UQCC1: variants seen among roughly 807,000 people sequenced by gnomAD.
The protein encoded by UQCC1 is bFGF-repressed Zic-binding protein.
Under a neutral mutation model 48.0 loss-of-function variants are expected in UQCC1, and 38 were observed. That is an observed-to-expected ratio of 0.79 (90% CI 0.61 to 1.04). The LOEUF (loss-of-function observed/expected upper bound fraction) is 1.04, where lower values mean the gene tolerates loss of function less well. Among genes scored for constraint, UQCC1 ranks in the 50% least tolerant of loss-of-function variants. The probability of loss-of-function intolerance (pLI) is 0.00; values close to 1 mark genes in which losing one functional copy is unlikely to be tolerated. For missense variants in UQCC1, 368 were observed against 381.8 expected (o/e 0.96, Z 0.30); for synonymous variants, 111 against 129.2 (o/e 0.86, Z 0.95).
intron 7 of UQCC1, 111 bp downstream of exon 7, chr20:35,347,053 G>A (rs758278866): frequency 6.8e-6 from 11 of 1,610,360 alleles, no homozygotes; most frequent in South Asian, 1.1e-5. Flanking sequence ...TTGATATTAG[G>A]CAGCATTTCA....
intron 3 of UQCC1, among the ~76,000 whole-genome samples, chr20:35,383,637 G>C (rs1029511903): frequency 1.3e-5 from 2 of 152,032 alleles, no homozygotes; most frequent in Non-Finnish European, 2.9e-5. Flanking sequence ...ATCGCTTGAA[G>C]CCAGGAGTTT....
chr20:35,340,971 G>A (rs2061370443), intron 7 of UQCC1, among the ~76,000 whole-genome samples: 3 of 152,134 alleles, frequency 2.0e-5, no homozygotes, highest in Admixed American at 2.0e-4. Context: ...GCTCATGCCT[G>A]TAATCCCAGC....
intron 7 of UQCC1, among the ~76,000 whole-genome samples, chr20:35,339,732 A>G (rs1013551178): frequency 5.3e-5 from 8 of 152,220 alleles, no homozygotes; most frequent in African/African-American, 1.4e-4. Flanking sequence ...AAAAACTCAT[A>G]TAAGTTGTTT....
In UQCC1 at chr20:35,369,922, AGGG is replaced by A. The variant is rs1290893668; in HGVS notation, c.407-3311_407-3309del. Among the ~76,000 whole-genome samples the A allele has an allele frequency of 5.9e-5, 9 of 152,286 alleles. No individual in the cohort carries two copies. The East Asian group carries it at 1.7e-3, about 29-fold the overall frequency. ...CCTCTCCAAGGCCTCCAGTCTCTTAAGGGTTAAAGACAAAGCAGTCTGCAGACA... is the reference window on the plus strand; with the variant it reads ...CCTCTCCAAGGCCTCCAGTCTCTTAATTAAAGACAAAGCAGTCTGCAGACA... On this transcript the variant is annotated intron_variant, in intron 5 of 9. Transcript: ENST00000374385.
chr20:35,360,794 G>A (rs566375505), intron 6 of UQCC1, among the ~76,000 whole-genome samples: 2 of 152,228 alleles, frequency 1.3e-5, no homozygotes, highest in Non-Finnish European at 2.9e-5. Context: ...CAAGAAACAC[G>A]GGGCCCATCA....
At chr20:35,310,693 A>ATT (rs369142415) in intron 8 of UQCC1, among the ~76,000 whole-genome samples, 8,288 of 100,696 alleles carry the variant, frequency 0.082, 650 homozygotes, top group African/African-American at 0.17. Context: ...AAAGCTGCAG[A>ATT]TTTTTTTTTT....
intron 1 of UQCC1, among the ~76,000 whole-genome samples, chr20:35,397,508 T>TCC (rs1187927945): frequency 2.2e-5 from 3 of 135,858 alleles, no homozygotes; most frequent in African/African-American, 5.6e-5. Flanking sequence ...AGAGCGAGAC[T>TCC]GTCTCAAAAA....
At chr20:35,410,919 C>T (rs2062352899) in intron 1 of UQCC1, among the ~76,000 whole-genome samples, 1 of 151,784 alleles carries the variant, frequency 6.6e-6, no homozygotes. Context: ...TAAATATTTA[C>T]TGAACAGCAG....
intron 1 of UQCC1, among the ~76,000 whole-genome samples, chr20:35,396,016 G>A (rs549234060): frequency 5.4e-4 from 62 of 115,630 alleles, no homozygotes; most frequent in Non-Finnish European, 6.9e-4. Flanking sequence ...GCTGAGTCTC[G>A]CTCTGTCACC....
At chr20:35,385,236 A>G (rs983647087) in intron 2 of UQCC1, among the ~76,000 whole-genome samples, 3 of 152,246 alleles carry the variant, frequency 2.0e-5, no homozygotes, top group Admixed American at 6.5e-5. Context: ...TGCCTTTCAC[A>G]AAATAGGCAC....
At chr20:35,410,743 C>A in intron 1 of UQCC1, among the ~76,000 whole-genome samples, 14 of 23,326 alleles carry the variant, frequency 6.0e-4, no homozygotes, top group Admixed American at 8.4e-4. Context: ...TAAAGGGTGG[C>A]AGGGGAAGGA....
intron 2 of UQCC1, chr20:35,392,121 G>A: frequency 1.4e-6 from 1 of 719,866 alleles, no homozygotes; most frequent in Non-Finnish European, 2.1e-6. Context: ...AATATTTCCA[G>A]TAAGAGTAAA....
rs114851935 is a variant in UQCC1 at position 35,400,260 on chromosome 20, A to T, written c.25-6064T>A. Among the ~76,000 whole-genome samples, 1,035 of 151,512 alleles carry T rather than the reference A, an allele frequency of 6.8e-3. 15 individuals carry two copies. The highest frequency in any genetic ancestry group is 0.024 in the African/African-American group (989 of 41,316). On this transcript the variant is annotated intron_variant, in intron 1 of 9. Transcript: ENST00000374385. ...CTTTTTCCTTTCCACCTCTTCCACCACTTCATCTATAAATATAAATCTGTG... is the reference window on the plus strand; with the variant it reads ...CTTTTTCCTTTCCACCTCTTCCACCTCTTCATCTATAAATATAAATCTGTG...
intron 4 of UQCC1, among the ~76,000 whole-genome samples, chr20:35,378,870 G>A (rs1300456981): frequency 1.3e-5 from 2 of 152,102 alleles, no homozygotes; most frequent in East Asian, 1.9e-4. Flanking sequence ...CTGCCCACTG[G>A]AATACCTTCT....
At chr20:35,407,818 T>A (rs1408157787) in intron 1 of UQCC1, among the ~76,000 whole-genome samples, 1 of 152,074 alleles carries the variant, frequency 6.6e-6, no homozygotes, top group Non-Finnish European at 1.5e-5. Flanking sequence ...AGGTTGGGAG[T>A]TTGAGACCAT....
At chr20:35,341,191 A>G (rs1435843739) in intron 7 of UQCC1, among the ~76,000 whole-genome samples, 1 of 147,724 alleles carries the variant, frequency 6.8e-6, no homozygotes, top group East Asian at 2.0e-4. Flanking sequence ...ACTGTACTCC[A>G]GTCTGGGTGA....
In UQCC1 at chr20:35,303,040, G is replaced by C. The variant is rs1171900709; in HGVS notation, c.*895C>G. 1 of 152,218 alleles carries C rather than the reference G, an allele frequency of 6.6e-6. No individual in the cohort carries two copies. The highest frequency in any genetic ancestry group is 1.5e-5 in the Non-Finnish European group (1 of 68,076). The allele number at this position is 152,218 out of a possible 1,614,324, so 9.4% of individuals were successfully genotyped here. On this transcript the variant is annotated 3_prime_UTR_variant, in exon 10 of 10. Coordinates refer to ENST00000374385, the MANE Select transcript of UQCC1 (RefSeq NM_018244.5). The stretch of plus-strand genomic sequence containing the variant: ...TCTGCAGCACGTGCTTCAGAAGTTG[G>C]GAAGGGGGACCAAAGCTGGGCACAG...
At position 35,402,989 on chromosome 20, in the gene UQCC1, C is replaced by T. The variant is rs184393924; in HGVS notation, c.25-8793G>A. On this transcript the variant is annotated intron_variant, in intron 1 of 9. Transcript: ENST00000374385. Reference sequence around the variant, plus strand: ...GGCTGAGGCAGGAGAATTGCTTGAACCCGGGAGGCGGAGGTTGCAGTGACC... The same window carrying T: ...GGCTGAGGCAGGAGAATTGCTTGAATCCGGGAGGCGGAGGTTGCAGTGACC... Among the ~76,000 whole-genome samples the T allele has an allele frequency of 2.0e-5, 3 of 152,014 alleles. No homozygotes were observed. The East Asian group carries it at 5.8e-4, about 29-fold the overall frequency.
At chr20:35,360,782 G>A (rs1600943276) in intron 6 of UQCC1, among the ~76,000 whole-genome samples, 1 of 152,106 alleles carries the variant, frequency 6.6e-6, no homozygotes, top group African/African-American at 2.4e-5. Flanking sequence ...GATAGTGAGC[G>A]CCAAGAAACA....
Sources: gnomAD v4.1 joint callset for allele counts (sites outside exome capture counted in the v4.1 genomes callset) on GRCh38, gnomAD v4.1.1 for gene constraint, MANE v1.5 for transcripts, NCBI Gene and HGNC (gene_info 2026-07-23, HGNC 2026-07-21) for gene names.